EFCAB6: variants seen among roughly 807,000 people sequenced by gnomAD.
EFCAB6 encodes EF-hand calcium-binding domain-containing protein 6.
A neutral mutation model predicts 169.8 loss-of-function variants in EFCAB6; 156 were observed. The ratio of observed to expected loss-of-function variants is 0.92; its 90% CI spans 0.81 to 1.05. EFCAB6 has a LOEUF of 1.05. Among genes scored for constraint, EFCAB6 ranks in the 50% least tolerant of loss-of-function variants. EFCAB6 has a pLI of 0.00. For synonymous variants in EFCAB6, 698 were observed against 676.4 expected (o/e 1.03, Z -0.50); for missense variants, 1,800 against 1,829.1 (o/e 0.98, Z 0.29).
chr22:43,797,959 CCT>C (rs2062571583), intron 2 of EFCAB6, among the ~76,000 whole-genome samples: 1 of 152,176 alleles, frequency 6.6e-6, no homozygotes, highest in African/African-American at 2.4e-5. Flanking sequence ...CTAATGAATG[CCT>C]CTTTCTCCTA....
intron 11 of EFCAB6, among the ~76,000 whole-genome samples, chr22:43,684,195 G>GC (rs1247620558): frequency 2.0e-5 from 3 of 152,094 alleles, no homozygotes; most frequent in Non-Finnish European, 2.9e-5. Context: ...GAAGCTGGGA[G>GC]CCCCCCCTCC....
rs960065481 is a variant in EFCAB6 at position 43,749,463 on chromosome 22, G to T, written c.507+6303C>A. On this transcript the variant is annotated intron_variant, in intron 6 of 31. Coordinates refer to ENST00000262726, the MANE Select transcript of EFCAB6 (RefSeq NM_022785.4). ...AATTTTTCCATGGGCCAGTGGGGAGGGGGTATGGTTTCGGGATGAAACTGT... is the reference window on the plus strand; with the variant it reads ...AATTTTTCCATGGGCCAGTGGGGAGTGGGTATGGTTTCGGGATGAAACTGT... 2.6e-5 allele frequency among the ~76,000 whole-genome samples: 4 copies of T among 152,244 alleles called. No individual in the cohort carries two copies. In the East Asian group the frequency reaches 5.8e-4, roughly 22 times the overall value.
intron 2 of EFCAB6, among the ~76,000 whole-genome samples, chr22:43,784,718 C>CATATATATAT (rs1226581072): frequency 4.5e-5 from 5 of 112,180 alleles, no homozygotes; most frequent in African/African-American, 1.7e-4. Context: ...CACACACACA[C>CATATATATAT]ATATATATAT....
At chr22:43,735,450 G>A (rs142540691) in intron 7 of EFCAB6, among the ~76,000 whole-genome samples, 3 of 150,862 alleles carry the variant, frequency 2.0e-5, no homozygotes, top group Non-Finnish European at 4.4e-5. Context: ...GCAACAACAC[G>A]TGAATCCTGA....
intron 10 of EFCAB6, among the ~76,000 whole-genome samples, chr22:43,705,701 T>A (rs533106291): frequency 4.1e-4 from 62 of 151,852 alleles, no homozygotes; most frequent in African/African-American, 1.4e-3. Context: ...CAAACGAAAG[T>A]GGAAGCACAA....
At chr22:43,776,165 G>C (rs1214994922) in intron 3 of EFCAB6, among the ~76,000 whole-genome samples, 1 of 152,236 alleles carries the variant, frequency 6.6e-6, no homozygotes, top group Non-Finnish European at 1.5e-5. Flanking sequence ...CTGGAGATAA[G>C]AGAGGCTGGA....
At chr22:43,557,189 T>C (rs2048758948) in intron 26 of EFCAB6, among the ~76,000 whole-genome samples, 1 of 152,202 alleles carries the variant, frequency 6.6e-6, no homozygotes, top group Non-Finnish European at 1.5e-5. Flanking sequence ...GTAAGTTGCT[T>C]ACCCACTTTT....
At chr22:43,722,139 T>A (rs900020905) in intron 8 of EFCAB6, among the ~76,000 whole-genome samples, 4 of 151,826 alleles carry the variant, frequency 2.6e-5, no homozygotes, top group African/African-American at 4.8e-5. Flanking sequence ...AACAAACATA[T>A]GAAAAAATGC....
At chr22:43,561,639 C>T (rs2049043889) in intron 26 of EFCAB6, among the ~76,000 whole-genome samples, 1 of 152,164 alleles carries the variant, frequency 6.6e-6, no homozygotes, top group Non-Finnish European at 1.5e-5. Context: ...TATTCTGGTT[C>T]CCATTTCACT....
Position 43,600,271 on chromosome 22 carries a change from C to G in EFCAB6, c.2682-8G>C, listed in dbSNP as rs769363442. 4.3e-6 allele frequency: 7 copies of G among 1,611,852 alleles called. No individual in the cohort carries two copies. In the South Asian group the frequency reaches 6.6e-5, roughly 15 times the overall value. ...TTTCCCTCGGTGTCGTATCTTAAAACAAAAACAAAAACAGAAAGCACTTCT... is the reference window on the plus strand; with the variant it reads ...TTTCCCTCGGTGTCGTATCTTAAAAGAAAAACAAAAACAGAAAGCACTTCT... On this transcript the variant is annotated splice_polypyrimidine_tract_variant and splice_region_variant and intron_variant, in intron 22 of 31. Transcript: ENST00000262726.
At chr22:43,562,892 A>G (rs2147138466) in intron 26 of EFCAB6, among the ~76,000 whole-genome samples, 1 of 152,182 alleles carries the variant, frequency 6.6e-6, no homozygotes, top group Non-Finnish European at 1.5e-5. Context: ...GGAGGGCAGT[A>G]GCCCAGTGGG....
intron 9 of EFCAB6, among the ~76,000 whole-genome samples, chr22:43,711,947 A>G (rs1206639250): frequency 6.6e-6 from 1 of 152,166 alleles, no homozygotes; most frequent in Admixed American, 6.5e-5. Flanking sequence ...TATACTTTCA[A>G]GTTTTTCCCT....
At chr22:43,726,629 G>C (rs2059749605) in intron 8 of EFCAB6, among the ~76,000 whole-genome samples, 1 of 152,216 alleles carries the variant, frequency 6.6e-6, no homozygotes, top group African/African-American at 2.4e-5. Flanking sequence ...TTGGAAAACA[G>C]AGTTCAGGCC....
chr22:43,769,530 A>T (rs1228961706), intron 4 of EFCAB6, among the ~76,000 whole-genome samples: 1 of 152,258 alleles, frequency 6.6e-6, no homozygotes, highest in Admixed American at 6.5e-5. Context: ...GTAGACAGCA[A>T]TAAAGGGTGA....
chr22:43,545,653 G>A (rs1315268564), intron 27 of EFCAB6, among the ~76,000 whole-genome samples: 1 of 152,148 alleles, frequency 6.6e-6, no homozygotes, highest in African/African-American at 2.4e-5. Context: ...TACCTGATGG[G>A]CTGTATCTTC....
intron 21 of EFCAB6, among the ~76,000 whole-genome samples, chr22:43,613,037 A>G (rs924380246): frequency 1.2e-4 from 18 of 150,480 alleles, no homozygotes; most frequent in African/African-American, 4.4e-4. Flanking sequence ...AGCTAAAAAC[A>G]GAACTACCAT....
In EFCAB6 at chr22:43,537,449, G is replaced by A. The variant is rs138556471; in HGVS notation, c.3976C>T (p.Arg1326Cys). Reference sequence around the variant, plus strand: ...TCCTTGCATTCTTTCAGGAGCTGGCGCCAGCAGCCCTGGATTCTCTTCCGG... The same window carrying A: ...TCCTTGCATTCTTTCAGGAGCTGGCACCAGCAGCCCTGGATTCTCTTCCGG... ...RLRKRIQGCW[R>C]QLLKECKEKD... The change falls in exon 29 of 32, where the codon CGC (arginine) becomes TGC (cysteine). Residue 1326 changes from arginine to cysteine, a missense_variant. Physicochemically the swap from Arg to Cys is radical, Grantham distance 180. Transcript: ENST00000262726. The surrounding 1 kb of genome is among the most constrained non-coding windows in gnomAD (Gnocchi z 4.3). The A allele has an allele frequency of 2.3e-4, 377 of 1,614,100 alleles. 1 individual carries two copies. In the African/African-American group the frequency reaches 4.0e-3, roughly 17 times the overall value.
At chr22:43,772,416 G>T (rs1265426852) in intron 4 of EFCAB6, among the ~76,000 whole-genome samples, 2 of 152,196 alleles carry the variant, frequency 1.3e-5, no homozygotes, top group Non-Finnish European at 2.9e-5. Flanking sequence ...AAGGCAGGCA[G>T]ATCACCTGAG....
intron 20 of EFCAB6, among the ~76,000 whole-genome samples, chr22:43,617,424 G>A (rs1428748966): frequency 6.6e-6 from 1 of 152,172 alleles, no homozygotes; most frequent in Non-Finnish European, 1.5e-5. Flanking sequence ...ACAGCCCTAT[G>A]CCCCCTACTT....
Sources: allele counts gnomAD v4.1 joint callset (sites outside exome capture counted in the v4.1 genomes callset), GRCh38; gene constraint gnomAD v4.1.1; non-coding constraint Gnocchi (gnomAD v3.1); transcripts MANE v1.5; gene names NCBI Gene and HGNC (gene_info 2026-07-23, HGNC 2026-07-21).